The following TRIP12 variants were observed in gnomAD, a reference collection of about 807,000 sequenced individuals.
The protein encoded by TRIP12 is E3 ubiquitin-protein ligase TRIP12.
In TRIP12, 25 loss-of-function variants were observed where a neutral mutation model predicts 244.2. The ratio of observed to expected loss-of-function variants is 0.10; its 90% CI spans 0.07 to 0.14. TRIP12 has a LOEUF of 0.14. Ranked by LOEUF, TRIP12 falls within the 10% of genes least tolerant of loss-of-function variation. The pLI is 1.00. For missense variants in TRIP12, 1,677 were observed against 2,486.4 expected (o/e 0.67, Z 6.92); for synonymous variants, 905 against 873.1 (o/e 1.04, Z -0.64).
intron 13 of TRIP12, among the ~76,000 whole-genome samples, chr2:229,812,421 T>A (rs924112314): frequency 5.3e-5 from 8 of 152,214 alleles, no homozygotes; most frequent in Non-Finnish European, 8.8e-5. Flanking sequence ...AACAGATTTT[T>A]AAAAAATGAA....
intron 5 of TRIP12, among the ~76,000 whole-genome samples, chr2:229,839,305 GT>G (rs2055714022): frequency 6.6e-6 from 1 of 151,986 alleles, no homozygotes; most frequent in Admixed American, 6.5e-5. Context: ...ATCTAGGTTT[GT>G]TTTAAGTGTT....
At chr2:229,824,748 A>C (rs1166199149) in intron 8 of TRIP12, among the ~76,000 whole-genome samples, 3 of 152,256 alleles carry the variant, frequency 2.0e-5, no homozygotes. Flanking sequence ...TCCCATGGAC[A>C]ATATAGATAT....
intron 37 of TRIP12, among the ~76,000 whole-genome samples, chr2:229,776,787 A>G (rs1039957345): frequency 6.6e-6 from 1 of 152,212 alleles, no homozygotes; most frequent in Admixed American, 6.5e-5. Flanking sequence ...ATCTATTGTT[A>G]ATTATATACA....
intron 33 of TRIP12, 146 bp from the exon 34 acceptor site, chr2:229,786,001 A>T: frequency 1.6e-6 from 1 of 609,616 alleles, no homozygotes; most frequent in Non-Finnish European, 2.6e-6. Context: ...AGAAAAGGTT[A>T]AGAGGTAGCT....
At position 229,777,297 on chromosome 2, in the gene TRIP12, TG is replaced by T. The variant is rs760542744; in HGVS notation, c.5529+17del. 2.3e-5 allele frequency: 37 copies of T among 1,609,196 alleles called. No homozygotes were observed. The highest frequency in any genetic ancestry group is 2.9e-5 in the Non-Finnish European group (34 of 1,176,626). On this transcript the variant is annotated intron_variant, in intron 37 of 41. Transcript: ENST00000675903. ...AAAATAAAGACTTGATCTACTGGACTGTTTCTTCTAAGCCTACCTGGGATTT... is the reference window on the plus strand; with the variant it reads ...AAAATAAAGACTTGATCTACTGGACTTTTCTTCTAAGCCTACCTGGGATTT...
rs1476175905 is a variant in TRIP12, at chr2:229,767,541, T to C, written c.*13A>G. 6.3e-7 allele frequency: 1 copy of C among 1,592,168 alleles called. No individual in the cohort carries two copies. Among genetic ancestry groups the C allele is most frequent in the South Asian group, 1.1e-5 (1 of 87,568 alleles). ...TTTGCTGTAACAGGCAGACACTGCA[T>C]TTCTTGCTATGATCAGGAAAGATGG... On this transcript the variant is annotated 3_prime_UTR_variant, in exon 42 of 42. Transcript: ENST00000675903.
rs1559982215 is a variant in TRIP12 at position 229,867,175 on chromosome 2, T to TTTG, written c.99-6645_99-6644insCAA. 2.4e-4 allele frequency among the ~76,000 whole-genome samples: 34 copies of TTTG among 143,912 alleles called. 1 individual carries two copies. Among genetic ancestry groups the TTTG allele is most frequent in the African/African-American group, 8.8e-4 (33 of 37,378 alleles). The allele number at this position is 143,912 out of a possible 152,430, so 94.4% of individuals were successfully genotyped here. A position where few individuals can be genotyped will look rare whatever the true frequency, so the allele number is the denominator to read the frequency against. On this transcript the variant is annotated intron_variant, in intron 2 of 41. Coordinates refer to ENST00000675903, the MANE Select transcript of TRIP12 (RefSeq NM_001348323.3). ...TTTTTTTTTGTTTGTTTGTTTGTTTTTTTTTTTTGAGACAGATACTCACTC... is the reference window on the plus strand; with the variant it reads ...TTTTTTTTTGTTTGTTTGTTTGTTTTTTGTTTTTTTTGAGACAGATACTCACTC...
In TRIP12 at chr2:229,829,265, G is replaced by A; in HGVS notation, c.1378C>T (p.Pro460Ser). The change falls in exon 8 of 42, where the codon CCC becomes TCC. Residue 460 changes from proline (P) to serine (S), a missense_variant. By Grantham distance (74) the Pro-to-Ser change is moderately conservative (BLOSUM62 -1). Transcript: ENST00000675903. ...LQALLEARGL[P>S]PHLFGPLGPR... Reference sequence around the variant, plus strand: ...CCAAGAGGACCAAATAGGTGAGGGGGAAGACCCCTTGCCTCTAACAAAGCT... The same window carrying A: ...CCAAGAGGACCAAATAGGTGAGGGGAAAGACCCCTTGCCTCTAACAAAGCT... 6.2e-7 allele frequency: 1 copy of A among 1,613,568 alleles called. No homozygotes were observed. The highest frequency in any genetic ancestry group is 8.5e-7 in the Non-Finnish European group (1 of 1,179,802).
intron 4 of TRIP12, among the ~76,000 whole-genome samples, chr2:229,841,642 C>CTAGG (rs2056447287): frequency 6.6e-6 from 1 of 152,200 alleles, no homozygotes; most frequent in South Asian, 2.1e-4. Context: ...AAATGACATA[C>CTAGG]TAGGCAGTAT....
intron 9 of TRIP12, 67 bp downstream of exon 9, chr2:229,818,295 ATT>A: frequency 9.4e-6 from 14 of 1,483,988 alleles, no homozygotes; most frequent in Non-Finnish European, 1.2e-5. Flanking sequence ...ATAATCATAC[ATT>A]CAGTACAAAA....
chr2:229,903,535 C>T (rs978332765), intron 1 of TRIP12, among the ~76,000 whole-genome samples: 1 of 152,018 alleles, frequency 6.6e-6, no homozygotes, highest in South Asian at 2.1e-4. Context: ...GAGATGATGT[C>T]AGAGAGGTGG....
At chr2:229,839,583 G>A (rs1001294390) in intron 5 of TRIP12, among the ~76,000 whole-genome samples, 48 of 152,068 alleles carry the variant, frequency 3.2e-4, no homozygotes, top group African/African-American at 1.2e-3. Context: ...GGAGGCCGAG[G>A]CAGGAGAATG....
intron 2 of TRIP12, among the ~76,000 whole-genome samples, chr2:229,869,504 G>T (rs911618258): frequency 6.6e-6 from 1 of 152,136 alleles, no homozygotes; most frequent in Non-Finnish European, 1.5e-5. Context: ...GTCATCTCTA[G>T]AAATGTTTCT....
Position 229,805,836 on chromosome 2 carries a change from T to A in TRIP12, c.2544A>T (p.Gly848=). The A allele has an allele frequency of 6.2e-7, 1 of 1,605,954 alleles. No homozygotes were observed. The highest frequency in any genetic ancestry group is 8.5e-7 in the Non-Finnish European group (1 of 1,173,750). The change falls in exon 18 of 42, where the codon GGA becomes GGT. Residue 848 remains glycine, a synonymous_variant. Coordinates refer to ENST00000675903, the MANE Select transcript of TRIP12 (RefSeq NM_001348323.3). The part of the protein sequence containing the change: ...GEDEISLSTL[G]RVYTIDFNSM... ...AATTAAAATCAATAGTATAAACTCG[T>A]CCCAGAGTGGACAAGCTTATCTCAT...
chr2:229,805,597 A>G, intron 18 of TRIP12, 133 bp downstream of exon 18: 1 of 915,996 alleles, frequency 1.1e-6, no homozygotes, highest in South Asian at 3.6e-5. Flanking sequence ...GATTTAAAAA[A>G]TCGAAAACCA....
intron 8 of TRIP12, among the ~76,000 whole-genome samples, chr2:229,824,328 T>C (rs1209597666): frequency 6.6e-6 from 1 of 152,198 alleles, no homozygotes. Flanking sequence ...CATACTACTG[T>C]CATTCACACA....
chr2:229,844,663 A>G (rs1267916784), intron 4 of TRIP12, among the ~76,000 whole-genome samples: 1 of 152,208 alleles, frequency 6.6e-6, no homozygotes, highest in Admixed American at 6.5e-5. Flanking sequence ...GCAAACATCA[A>G]TGTCAATGTA....
rs753443022 is a variant in TRIP12 at position 229,767,617 on chromosome 2, C to G, written c.6141G>C (p.Glu2047Asp). Residue 2047 changes from glutamate to aspartate, a missense_variant, in exon 42 of 42, where the codon GAG becomes GAC. Transcript: ENST00000675903. Reference protein sequence around the residue: ...YLKLPDYSSIEIMREKLLIAA... With the variant: ...YLKLPDYSSIDIMREKLLIAA... ...CTATCAACAGTTTTTCACGCATTATCTCAATGCTTGAATAGTCCGGCAACT... is the reference window on the plus strand; with the variant it reads ...CTATCAACAGTTTTTCACGCATTATGTCAATGCTTGAATAGTCCGGCAACT... 17 of 1,613,988 alleles carry G rather than the reference C, an allele frequency of 1.1e-5. No homozygotes were observed. The Admixed American group carries it at 1.8e-4, about 17-fold the overall frequency.
chr2:229,785,539 C>T (rs2039751329), intron 34 of TRIP12, among the ~76,000 whole-genome samples: 1 of 152,184 alleles, frequency 6.6e-6, no homozygotes, highest in African/African-American at 2.4e-5. Flanking sequence ...AACTTAAAGA[C>T]TAACAACACA....
Sources: allele counts gnomAD v4.1 joint callset (sites outside exome capture counted in the v4.1 genomes callset), GRCh38; gene constraint gnomAD v4.1.1; transcripts MANE v1.5; gene names NCBI Gene and HGNC (gene_info 2026-07-23, HGNC 2026-07-21).